Variants in PAK5 observed in about 807,000 individuals in gnomAD.
PAK5 encodes serine/threonine-protein kinase PAK 5.
Under a neutral mutation model 65.9 loss-of-function variants are expected in PAK5, and 16 were observed. That is an observed-to-expected ratio of 0.24 (90% CI 0.16 to 0.37). PAK5 has a LOEUF of 0.37. Ranked by LOEUF, PAK5 falls within the 10% of genes least tolerant of loss-of-function variation. The pLI is 1.00. For missense variants in PAK5, 785 were observed against 903.9 expected (o/e 0.87, Z 1.69); for synonymous variants, 371 against 354.9 (o/e 1.05, Z -0.51).
intron 1 of PAK5, among the ~76,000 whole-genome samples, chr20:9,749,859 C>G (rs2048554187): frequency 6.6e-6 from 1 of 152,120 alleles, no homozygotes; most frequent in South Asian, 2.1e-4. Flanking sequence ...CATGGTAGCC[C>G]AAGTTCCATA....
At chr20:9,802,788 G>A (rs574230096) in intron 1 of PAK5, among the ~76,000 whole-genome samples, 4 of 151,168 alleles carry the variant, frequency 2.6e-5, no homozygotes, top group African/African-American at 4.9e-5. Flanking sequence ...AGACTGCATC[G>A]GTCAATAAAC....
intron 1 of PAK5, among the ~76,000 whole-genome samples, chr20:9,721,913 T>G (rs1025217119): frequency 6.6e-6 from 1 of 152,188 alleles, no homozygotes; most frequent in Admixed American, 6.5e-5. Context: ...TCCTGTGCTG[T>G]CACTTCTCCC....
At chr20:9,738,150 AAAAC>A (rs776530449) in intron 1 of PAK5, among the ~76,000 whole-genome samples, 11 of 152,096 alleles carry the variant, frequency 7.2e-5, no homozygotes, top group East Asian at 3.9e-4. Context: ...TCAAAAACAA[AAAAC>A]AAACAAACAA....
intron 3 of PAK5, among the ~76,000 whole-genome samples, chr20:9,585,141 AT>A: frequency 6.6e-6 from 1 of 152,268 alleles, no homozygotes; most frequent in South Asian, 2.1e-4. Context: ...GAAAAATATT[AT>A]TTCTTTAAAT....
At chr20:9,708,012 G>T (rs922118847) in intron 2 of PAK5, among the ~76,000 whole-genome samples, 4 of 152,278 alleles carry the variant, frequency 2.6e-5, no homozygotes, top group Admixed American at 2.0e-4. Flanking sequence ...TACTGATCCT[G>T]TTCAATAGCT....
chr20:9,653,673 C>G (rs1345922897), intron 2 of PAK5, among the ~76,000 whole-genome samples: 1 of 152,206 alleles, frequency 6.6e-6, no homozygotes. Flanking sequence ...TGAATTCCCA[C>G]TGTATTAGTT....
chr20:9,742,488 T>C (rs1262610300), intron 1 of PAK5, among the ~76,000 whole-genome samples: 1 of 152,196 alleles, frequency 6.6e-6, no homozygotes, highest in African/African-American at 2.4e-5. Context: ...TTATACACAC[T>C]GATGATCACT....
rs749763005 is a variant in PAK5 at position 9,580,621 on chromosome 20, C to T, written c.514G>A (p.Val172Ile). ...GSHAAKQNGH[V>I]MKMKHGEAYY... ...GCCTCCCCGTGCTTCATTTTCATTA[C>T]GTGCCCATTTTGCTTGGCTGCGTGG... The change falls in exon 4 of 10, where the codon GTA becomes ATA. Residue 172 changes from valine to isoleucine, a missense_variant. Physicochemically the swap from Val to Ile is conservative, Grantham distance 29 (BLOSUM62 3). Transcript: ENST00000353224. 5.6e-6 allele frequency: 9 copies of T among 1,614,034 alleles called. No individual in the cohort carries two copies. The highest frequency in any genetic ancestry group is 7.6e-6 in the Non-Finnish European group (9 of 1,179,966).
chr20:9,552,015 C>T lies in PAK5; in HGVS notation c.1743+5593G>A, dbSNP rs557074156. ...CAGGAAGATCTGGGCAGGGCACCAA[C>T]GGCATTTGCTGTGGTACAACTCACC... On this transcript the variant is annotated intron_variant, in intron 7 of 9. Coordinates refer to ENST00000353224, the MANE Select transcript of PAK5 (RefSeq NM_177990.4). Among the ~76,000 whole-genome samples the T allele has an allele frequency of 2.8e-4, 43 of 152,310 alleles. 1 individual carries two copies. The South Asian group carries it at 7.2e-3, about 26-fold the overall frequency.
intron 3 of PAK5, 55 bp downstream of exon 3, chr20:9,644,070 C>A: frequency 3.1e-6 from 4 of 1,309,090 alleles, no homozygotes; most frequent in Non-Finnish European, 4.4e-6. Context: ...TGATGCAGTG[C>A]ATTAAATAAG....
At chr20:9,570,728 C>T (rs1235322058) in intron 4 of PAK5, among the ~76,000 whole-genome samples, 2 of 152,182 alleles carry the variant, frequency 1.3e-5, no homozygotes, top group African/African-American at 4.8e-5. Flanking sequence ...GGACTGGCTC[C>T]TGTACTTTCA....
intron 1 of PAK5, among the ~76,000 whole-genome samples, chr20:9,832,461 TG>T (rs2123790696): frequency 6.6e-6 from 1 of 152,220 alleles, no homozygotes; most frequent in South Asian, 2.1e-4. Flanking sequence ...TTAGTAGAGA[TG>T]GGGTTTTCCC....
rs528336660 is a variant in PAK5, at chr20:9,629,091, G to T, written c.204+15034C>A. Among the ~76,000 whole-genome samples the T allele has an allele frequency of 1.1e-3, 173 of 152,240 alleles. 1 individual carries two copies. The highest frequency in any genetic ancestry group is 4.0e-3 in the African/African-American group (166 of 41,548). The stretch of plus-strand genomic sequence containing the variant: ...AGAACTGTAAGGAAATGAATTTTGC[G>T]AAGTGGATTCTTGCCCTGTCAAGCC... On this transcript the variant is annotated intron_variant, in intron 3 of 9. Coordinates refer to ENST00000353224, the MANE Select transcript of PAK5 (RefSeq NM_177990.4).
chr20:9,691,714 T>C (rs774879811), intron 2 of PAK5, among the ~76,000 whole-genome samples: 1 of 152,182 alleles, frequency 6.6e-6, no homozygotes, highest in Admixed American at 6.5e-5. Context: ...AAACTACAAA[T>C]GTACTCCAAT....
chr20:9,771,038 CACA>C (rs1257439047), intron 1 of PAK5, among the ~76,000 whole-genome samples: 1 of 152,128 alleles, frequency 6.6e-6, no homozygotes, highest in Non-Finnish European at 1.5e-5. Context: ...AGCAAGATGT[CACA>C]ACAAGAAAAA....
intron 1 of PAK5, among the ~76,000 whole-genome samples, chr20:9,758,525 G>A (rs2048661495): frequency 1.3e-5 from 2 of 152,156 alleles, no homozygotes; most frequent in African/African-American, 2.4e-5. Context: ...TTGCATAGTG[G>A]TATGCTGAAG....
chr20:9,825,943 T>TTATA (rs1239189995), intron 1 of PAK5, among the ~76,000 whole-genome samples: 1 of 152,156 alleles, frequency 6.6e-6, no homozygotes, highest in Non-Finnish European at 1.5e-5. Flanking sequence ...AATTCAAAGG[T>TTATA]TATACATTCA....
rs766169935 is a variant in PAK5 at position 9,644,290 on chromosome 20, G to T, written c.39C>A (p.Gly13=). Residue 13 remains glycine (G), a synonymous_variant, in exon 3 of 10, where the codon GGC becomes GGA. Transcript: ENST00000353224. ...GAACCCTGTGTTCAAAGTTGGACGG[G>T]CCAGATATTTCAATCTTTTTCTTTT... The part of the protein sequence containing the change: ...GKKKKKIEIS[G]PSNFEHRVHT... The T allele has an allele frequency of 2.2e-5, 35 of 1,608,290 alleles. No homozygotes were observed. The highest frequency in any genetic ancestry group is 3.0e-5 in the Non-Finnish European group (35 of 1,178,370).
chr20:9,769,959 T>C (rs2048814498), intron 1 of PAK5, among the ~76,000 whole-genome samples: 1 of 152,154 alleles, frequency 6.6e-6, no homozygotes, highest in African/African-American at 2.4e-5. Context: ...CCTGCAGAAA[T>C]GTGAGAATAA....
Sources: allele counts gnomAD v4.1 joint callset (sites outside exome capture counted in the v4.1 genomes callset), GRCh38; gene constraint gnomAD v4.1.1; transcripts MANE v1.5; gene names NCBI Gene and HGNC (gene_info 2026-07-23, HGNC 2026-07-21).